CDYL2: variants seen among roughly 807,000 people sequenced by gnomAD.
The protein encoded by CDYL2 is chromodomain Y like 2.
A neutral mutation model predicts 49.4 loss-of-function variants in CDYL2; 23 were observed. The ratio of observed to expected loss-of-function variants is 0.47; its 90% CI spans 0.34 to 0.66. CDYL2 has a LOEUF of 0.66. Ranked by LOEUF, CDYL2 falls within the 30% of genes least tolerant of loss-of-function variation. CDYL2 has a pLI of 0.01. For missense variants in CDYL2, 678 were observed against 656.4 expected (o/e 1.03, Z -0.36); for synonymous variants, 360 against 268.8 (o/e 1.34, Z -3.32).
chr16:80,619,789 C>G (rs1906995628), intron 4 of CDYL2, among the ~76,000 whole-genome samples: 1 of 152,190 alleles, frequency 6.6e-6, no homozygotes, highest in Non-Finnish European at 1.5e-5. Context: ...CCAATGGCTG[C>G]TTCACCCTGA....
intron 1 of CDYL2, among the ~76,000 whole-genome samples, chr16:80,748,698 C>G (rs543698972): frequency 7.2e-5 from 11 of 151,926 alleles, no homozygotes; most frequent in African/African-American, 2.7e-4. Flanking sequence ...ACCAGCACCC[C>G]TCACCCACCA....
chr16:80,722,616 A>T (rs1031455636), intron 1 of CDYL2, among the ~76,000 whole-genome samples: 4 of 152,344 alleles, frequency 2.6e-5, no homozygotes, highest in African/African-American at 9.6e-5. Context: ...AAAACTGAGG[A>T]TCCAAAAAGT....
At chr16:80,748,532 A>C (rs1385281617) in intron 1 of CDYL2, among the ~76,000 whole-genome samples, 8 of 144,464 alleles carry the variant, frequency 5.5e-5, no homozygotes, top group East Asian at 2.0e-4. Context: ...AAAAAAAAAA[A>C]AAAAAAAACT....
In CDYL2 at chr16:80,633,095, A is replaced by G; in HGVS notation, c.758T>C (p.Val253Ala). The change falls in exon 3 of 7, where the codon GTT (valine) becomes GCT (alanine). Residue 253 changes from valine (V) to alanine (A), a missense_variant. Physicochemically the swap from Val to Ala is moderately conservative, Grantham distance 64. Transcript: ENST00000570137. ...CGTGAACCCTTCTTCCTTCCGCACA[A>G]CGATGTCTCGAAACCGACAGTTGCT... is the stretch of plus-strand genomic sequence containing the variant. Reference protein sequence around the residue: ...NESNCRFRDIVVRKEEGFTHI... With the variant: ...NESNCRFRDIAVRKEEGFTHI... 6.2e-7 allele frequency: 1 copy of G among 1,614,120 alleles called. No homozygotes were observed. Among genetic ancestry groups the G allele is most frequent in the Non-Finnish European group, 8.5e-7 (1 of 1,180,016 alleles).
At chr16:80,764,693 G>T (rs1236386224) in intron 1 of CDYL2, among the ~76,000 whole-genome samples, 3 of 152,052 alleles carry the variant, frequency 2.0e-5, no homozygotes, top group Non-Finnish European at 4.4e-5. Context: ...CGCCATCCGT[G>T]GGAAAAGAAG....
intron 2 of CDYL2, among the ~76,000 whole-genome samples, chr16:80,639,163 C>T (rs142884373): frequency 3.6e-4 from 55 of 152,306 alleles, no homozygotes; most frequent in Admixed American, 2.6e-3. Flanking sequence ...TACCACTACA[C>T]ACATTAGACT....
chr16:80,787,628 G>C (rs1382003685), intron 1 of CDYL2, among the ~76,000 whole-genome samples: 2 of 152,068 alleles, frequency 1.3e-5, no homozygotes, highest in African/African-American at 4.8e-5. Context: ...TCCTCTGTGT[G>C]TGTGTATTAT....
intron 1 of CDYL2, among the ~76,000 whole-genome samples, chr16:80,789,977 C>A (rs1164138287): frequency 6.6e-6 from 1 of 152,168 alleles, no homozygotes; most frequent in African/African-American, 2.4e-5. Context: ...GATGGCTACA[C>A]TAGAAACGCA....
chr16:80,790,902 C>T lies in CDYL2; in HGVS notation c.24+13248G>A, dbSNP rs550804180. On this transcript the variant is annotated intron_variant, in intron 1 of 6. Transcript: ENST00000570137. ...TTCAAGGAGACTCTCCAGAACAGTC[C>T]GGGAAGATACAGTCTCTGTCTCATG... Among the ~76,000 whole-genome samples, 4 of 152,266 alleles carry T rather than the reference C, an allele frequency of 2.6e-5. No homozygotes were observed. In the South Asian group the frequency reaches 8.3e-4, roughly 32 times the overall value.
intron 2 of CDYL2, among the ~76,000 whole-genome samples, chr16:80,671,702 C>T (rs562173441): frequency 5.9e-5 from 9 of 152,294 alleles, no homozygotes; most frequent in South Asian, 2.1e-4. Flanking sequence ...TGCAAATAAA[C>T]GATACCGAGG....
chr16:80,664,381 C>T (rs1909173305), intron 2 of CDYL2, among the ~76,000 whole-genome samples: 2 of 152,318 alleles, frequency 1.3e-5, no homozygotes, highest in East Asian at 1.9e-4. Context: ...GTCTCTTCCT[C>T]CCCAAGCGCC....
At chr16:80,738,769 A>C (rs1484183513) in intron 1 of CDYL2, 2 of 152,384 alleles carry the variant, frequency 1.3e-5, no homozygotes, top group Non-Finnish European at 2.9e-5. Flanking sequence ...TGGTATGTGA[A>C]CATATCTCAG....
chr16:80,664,026 G>T lies in CDYL2; in HGVS notation c.616+20512C>A, dbSNP rs551123733. Reference sequence around the variant, plus strand: ...CTCCAAGGCCATGCTAACTCCAAAAGCTCTATTATGCCAGGATCCTGGTAT... The same window carrying T: ...CTCCAAGGCCATGCTAACTCCAAAATCTCTATTATGCCAGGATCCTGGTAT... On this transcript the variant is annotated intron_variant, in intron 2 of 6. Transcript: ENST00000570137. Among the ~76,000 whole-genome samples, 25 of 105,162 alleles carry T rather than the reference G, an allele frequency of 2.4e-4. No homozygotes were observed. The East Asian group carries it at 7.0e-3, about 30-fold the overall frequency. 69.0% of individuals were successfully genotyped at this position (105,162 alleles called of 152,430 possible).
chr16:80,689,688 A>T (rs909693437), intron 1 of CDYL2, among the ~76,000 whole-genome samples: 1 of 152,256 alleles, frequency 6.6e-6, no homozygotes, highest in African/African-American at 2.4e-5. Flanking sequence ...TGACGCATAC[A>T]ATAACTCTTC....
intron 1 of CDYL2, among the ~76,000 whole-genome samples, chr16:80,718,149 T>C (rs541235912): frequency 1.3e-5 from 2 of 152,332 alleles, no homozygotes; most frequent in South Asian, 4.1e-4. Flanking sequence ...AACCTAAGAC[T>C]GTCTCCAAAG....
At chr16:80,775,931 C>A (rs934493110) in intron 1 of CDYL2, among the ~76,000 whole-genome samples, 6 of 151,428 alleles carry the variant, frequency 4.0e-5, no homozygotes, top group Non-Finnish European at 5.9e-5. Flanking sequence ...TCTCAAACAT[C>A]AAAATATTGG....
chr16:80,635,631 C>T lies in CDYL2; in HGVS notation c.617-2395G>A, dbSNP rs542415054. On this transcript the variant is annotated intron_variant, in intron 2 of 6. Coordinates refer to ENST00000570137, the MANE Select transcript of CDYL2 (RefSeq NM_152342.4). The stretch of plus-strand genomic sequence containing the variant: ...AAGAATCAATATCGTAAAAATGGCC[C>T]TACTGCTCAAAGTAATTTAAAGATT... 3.9e-5 allele frequency among the ~76,000 whole-genome samples: 6 copies of T among 152,238 alleles called. No individual in the cohort carries two copies. The East Asian group carries it at 7.7e-4, about 20-fold the overall frequency.
chr16:80,622,478 C>G (rs1490158966), intron 3 of CDYL2, among the ~76,000 whole-genome samples: 1 of 152,080 alleles, frequency 6.6e-6, no homozygotes, highest in Non-Finnish European at 1.5e-5. Context: ...GTCTTACCTA[C>G]TACTTGTTTG....
chr16:80,804,086 C>CCCG (rs1190581461), intron 1 of CDYL2, 64 bp downstream of exon 1: 5 of 971,394 alleles, frequency 5.1e-6, no homozygotes, highest in African/African-American at 1.8e-5. Context: ...GTCCCCGCCG[C>CCCG]CCGCCGCCGC....
Sources: gnomAD v4.1 joint callset for allele counts (sites outside exome capture counted in the v4.1 genomes callset) on GRCh38, gnomAD v4.1.1 for gene constraint, MANE v1.5 for transcripts, NCBI Gene and HGNC (gene_info 2026-07-23, HGNC 2026-07-21) for gene names.